Variants in HDAC9 observed in about 807,000 individuals in gnomAD.
HDAC9 encodes the protein histone deacetylase 9, also known as MEF-2 interacting transcription repressor (MITR) protein.
In HDAC9, 41 loss-of-function variants were observed where a neutral mutation model predicts 139.4. That is an observed-to-expected ratio of 0.29 (90% CI 0.23 to 0.38). The LOEUF (loss-of-function observed/expected upper bound fraction) is 0.38, where lower values mean the gene tolerates loss of function less well. HDAC9 is among the 10% of genes least tolerant of loss of function. The pLI is 1.00. For missense variants in HDAC9, 1,147 were observed against 1,297.0 expected (o/e 0.88, Z 1.78); for synonymous variants, 517 against 476.2 (o/e 1.09, Z -1.12).
At chr7:18,804,182 A>G (rs552379051) in intron 17 of HDAC9, among the ~76,000 whole-genome samples, 31 of 152,262 alleles carry the variant, frequency 2.0e-4, no homozygotes, top group African/African-American at 6.0e-4. Context: ...GAATTAAGGG[A>G]AGCATTATGT....
At chr7:18,402,731 G>T (rs1338543779) in intron 1 of HDAC9, among the ~76,000 whole-genome samples, 1 of 152,166 alleles carries the variant, frequency 6.6e-6, no homozygotes, top group Non-Finnish European at 1.5e-5. Flanking sequence ...ATTGCTGATG[G>T]TTGGGATGAA....
rs557297138 is a variant in HDAC9, at chr7:18,273,546, A to G, written c.25+111197A>G. 5.9e-5 allele frequency among the ~76,000 whole-genome samples: 9 copies of G among 152,306 alleles called. No homozygotes were observed. In the East Asian group the frequency reaches 1.7e-3, roughly 29 times the overall value. The stretch of plus-strand genomic sequence containing the variant: ...TGCTGGGACAAAAGTTTGAAATTGT[A>G]TCTTTACCTCATGAAAGCACAAAAG... On this transcript the variant is annotated intron_variant, in intron 2 of 12. Coordinates refer to the HDAC9 transcript ENST00000417496.
At chr7:18,957,188 C>T (rs368564702) in intron 24 of HDAC9, among the ~76,000 whole-genome samples, 1 of 152,046 alleles carries the variant, frequency 6.6e-6, no homozygotes, top group Non-Finnish European at 1.5e-5. Context: ...GAGTGAAACT[C>T]GGTAGAGAGA....
At chr7:18,750,584 A>ATT (rs199920497) in intron 14 of HDAC9, among the ~76,000 whole-genome samples, 4 of 150,768 alleles carry the variant, frequency 2.7e-5, no homozygotes, top group African/African-American at 9.7e-5. Context: ...TCTATTACTC[A>ATT]TTTTTTTTTG....
At chr7:18,690,802 A>C (rs1457405035) in intron 12 of HDAC9, among the ~76,000 whole-genome samples, 5 of 152,012 alleles carry the variant, frequency 3.3e-5, no homozygotes, top group African/African-American at 1.2e-4. Context: ...ACATTTTGGC[A>C]TTATGCCTTT....
intron 1 of HDAC9, among the ~76,000 whole-genome samples, chr7:18,122,753 G>A (rs1172383676): frequency 1.3e-5 from 2 of 152,138 alleles, no homozygotes; most frequent in East Asian, 3.9e-4. Flanking sequence ...TGAGTAGCTG[G>A]GATTACAGGT....
In HDAC9 at chr7:18,999,270, C is replaced by T. The variant is rs1262217947; in HGVS notation, c.*3208C>T. ...TCATGGCCTTGAAAGCAGGGATCTCCTCCCACAAAGGCTTCAGAAATTACA... is the reference window on the plus strand; with the variant it reads ...TCATGGCCTTGAAAGCAGGGATCTCTTCCCACAAAGGCTTCAGAAATTACA... On this transcript the variant is annotated 3_prime_UTR_variant, in exon 26 of 26. Coordinates refer to ENST00000686413, the MANE Select transcript of HDAC9 (RefSeq NM_178425.4). The T allele has an allele frequency of 6.6e-6, 1 of 152,186 alleles. No individual in the cohort carries two copies. Among genetic ancestry groups the T allele is most frequent in the Non-Finnish European group, 1.5e-5 (1 of 68,048 alleles). The allele number at this position is 152,186 out of a possible 1,614,324, so 9.4% of individuals were successfully genotyped here. A position where few individuals can be genotyped will look rare whatever the true frequency, so the allele number is the denominator to read the frequency against.
At chr7:18,370,505 C>A (rs1406938321) in intron 1 of HDAC9, among the ~76,000 whole-genome samples, 1 of 152,086 alleles carries the variant, frequency 6.6e-6, no homozygotes, top group Non-Finnish European at 1.5e-5. Flanking sequence ...TAATTTAATT[C>A]TCTACCTCAA....
At chr7:18,157,451 C>T (rs887421448) in intron 1 of HDAC9, among the ~76,000 whole-genome samples, 4 of 152,134 alleles carry the variant, frequency 2.6e-5, no homozygotes, top group Non-Finnish European at 4.4e-5. Context: ...TAGTTACTGA[C>T]TCATTCATTT....
chr7:18,494,849 A>G (rs552182930), upstream of HDAC9, among the ~76,000 whole-genome samples: 1 of 152,224 alleles, frequency 6.6e-6, no homozygotes, highest in South Asian at 2.1e-4. Context: ...TTCTGTATCC[A>G]TAAGAAATCA....
At chr7:18,214,328 A>T (rs1792146469) in intron 2 of HDAC9, among the ~76,000 whole-genome samples, 1 of 152,078 alleles carries the variant, frequency 6.6e-6, no homozygotes, top group South Asian at 2.1e-4. Context: ...AAGCTATGAA[A>T]ATTGGCATTT....
intron 24 of HDAC9, among the ~76,000 whole-genome samples, chr7:18,961,223 A>T (rs1346303209): frequency 1.3e-5 from 2 of 152,194 alleles, no homozygotes; most frequent in Non-Finnish European, 2.9e-5. Context: ...TTTTATTTCC[A>T]GCAGGGAAGA....
At chr7:18,759,192 G>A (rs1002206922) in intron 14 of HDAC9, among the ~76,000 whole-genome samples, 1 of 152,030 alleles carries the variant, frequency 6.6e-6, no homozygotes. Flanking sequence ...GGGGATGACC[G>A]ATTCAGCAGG....
At chr7:18,817,195 T>A (rs762379752) in intron 17 of HDAC9, among the ~76,000 whole-genome samples, 1 of 152,082 alleles carries the variant, frequency 6.6e-6, no homozygotes, top group Non-Finnish European at 1.5e-5. Flanking sequence ...CCACCACGCC[T>A]GCCTGATTTT....
chr7:18,095,000 A>G (rs1782413543), intron 1 of HDAC9, among the ~76,000 whole-genome samples: 1 of 152,142 alleles, frequency 6.6e-6, no homozygotes, highest in South Asian at 2.1e-4. Flanking sequence ...TTTTCCACGG[A>G]TATGTTATGT....
At chr7:18,612,734 T>C (rs369171462) in intron 6 of HDAC9, among the ~76,000 whole-genome samples, 89 of 152,204 alleles carry the variant, frequency 5.8e-4, no homozygotes, top group Middle Eastern at 3.4e-3. Flanking sequence ...ATCCTAGAGA[T>C]GAGTGACATG....
At chr7:18,974,054 C>G (rs1320034530) in intron 24 of HDAC9, among the ~76,000 whole-genome samples, 1 of 152,160 alleles carries the variant, frequency 6.6e-6, no homozygotes, top group Non-Finnish European at 1.5e-5. Context: ...TCATCCATCC[C>G]ACTCCAGACT....
Position 18,785,709 on chromosome 7 carries a change from A to G in HDAC9, c.2215-7636A>G, listed in dbSNP as rs796556339. 1.7e-4 allele frequency among the ~76,000 whole-genome samples: 26 copies of G among 152,228 alleles called. 1 individual carries two copies. Among genetic ancestry groups the G allele is most frequent in the African/African-American group, 5.8e-4 (24 of 41,558 alleles). ...ATTAGAATCTGTTTTTTAAAATACC[A>G]TTTTATTATTTATTTTACTTTTTGG... On this transcript the variant is annotated intron_variant, in intron 16 of 25. Coordinates refer to ENST00000686413, the MANE Select transcript of HDAC9 (RefSeq NM_178425.4).
intron 22 of HDAC9, among the ~76,000 whole-genome samples, chr7:18,897,497 T>C (rs551000726): frequency 6.6e-6 from 1 of 152,082 alleles, no homozygotes; most frequent in African/African-American, 2.4e-5. Flanking sequence ...GTTTAAAGAA[T>C]GCTATGCGGA....
Sources: gnomAD v4.1 joint callset for allele counts (sites outside exome capture counted in the v4.1 genomes callset) on GRCh38, gnomAD v4.1.1 for gene constraint, MANE v1.5 for transcripts, NCBI Gene and HGNC (gene_info 2026-07-23, HGNC 2026-07-21) for gene names.